Variants in SP100 observed in about 807,000 individuals in gnomAD.
SP100 encodes SP100 nuclear body protein, also known as nuclear autoantigen Sp-100.
In SP100, 84 loss-of-function variants were observed where a neutral mutation model predicts 130.0. The observed-to-expected ratio is 0.65, with a 90% confidence interval of 0.54 to 0.77. The LOEUF (loss-of-function observed/expected upper bound fraction) is 0.77, where lower values mean the gene tolerates loss of function less well. Ranked by LOEUF, SP100 falls within the 30% of genes least tolerant of loss-of-function variation. SP100 has a pLI of 0.00. For synonymous variants in SP100, 331 were observed against 351.7 expected (o/e 0.94, Z 0.66); for missense variants, 978 against 1,052.2 (o/e 0.93, Z 0.97).
intron 24 of SP100, chr2:230,516,130 G>A (rs1690905542): frequency 1.1e-6 from 1 of 946,710 alleles, no homozygotes; most frequent in Non-Finnish European, 1.3e-6. Context: ...TACCAGGTCA[G>A]TCTTCTTCCA....
At chr2:230,460,576 T>G (rs2064537590) in intron 8 of SP100, among the ~76,000 whole-genome samples, 1 of 150,592 alleles carries the variant, frequency 6.6e-6, no homozygotes, top group Admixed American at 6.6e-5. Flanking sequence ...GTGTCTGGGG[T>G]ATTGGTAATC....
At chr2:230,427,834 C>T (rs1323372853) in intron 2 of SP100, among the ~76,000 whole-genome samples, 2 of 152,122 alleles carry the variant, frequency 1.3e-5, no homozygotes, top group Non-Finnish European at 2.9e-5. Context: ...TTTACTTCTC[C>T]CCTCCCTCAC....
chr2:230,437,519 G>A (rs942733353), intron 2 of SP100, among the ~76,000 whole-genome samples: 11 of 151,986 alleles, frequency 7.2e-5, no homozygotes, highest in African/African-American at 2.2e-4. Context: ...CAAGGGTATT[G>A]AGAAATATGT....
intron 24 of SP100, among the ~76,000 whole-genome samples, chr2:230,528,799 C>T (rs554111955): frequency 2.0e-4 from 30 of 152,306 alleles, no homozygotes; most frequent in African/African-American, 7.0e-4. Flanking sequence ...ACTATAAATG[C>T]CTCTATGCAA....
intron 8 of SP100, among the ~76,000 whole-genome samples, chr2:230,457,219 G>A (rs1488819762): frequency 1.3e-5 from 2 of 152,180 alleles, no homozygotes; most frequent in Non-Finnish European, 2.9e-5. Flanking sequence ...AATCTGCAGG[G>A]CTCTACACCA....
chr2:230,518,454 C>T (rs985238009), intron 24 of SP100, among the ~76,000 whole-genome samples: 1 of 151,834 alleles, frequency 6.6e-6, no homozygotes, highest in Non-Finnish European at 1.5e-5. Context: ...TTGTCTATCA[C>T]ATGACAGTAT....
At chr2:230,422,047 G>A (rs1244857510) in intron 2 of SP100, among the ~76,000 whole-genome samples, 2 of 151,578 alleles carry the variant, frequency 1.3e-5, no homozygotes, top group African/African-American at 4.9e-5. Flanking sequence ...AATCTTATAT[G>A]TCTTCTTTTC....
At chr2:230,444,375 T>C (rs1559491149) in intron 4 of SP100, 29 bp downstream of exon 4, 4 of 1,583,310 alleles carry the variant, frequency 2.5e-6, no homozygotes, top group East Asian at 2.2e-5. Context: ...TACCTTTTTA[T>C]TTCCAGGGCC....
At chr2:230,533,499 G>C (rs1410244306) in intron 24 of SP100, among the ~76,000 whole-genome samples, 1 of 152,206 alleles carries the variant, frequency 6.6e-6, no homozygotes, top group Non-Finnish European at 1.5e-5. Context: ...TCCTTGTGCT[G>C]TTAAGTTACA....
chr2:230,482,183 T>A (rs1355565930), intron 17 of SP100, among the ~76,000 whole-genome samples: 1 of 152,246 alleles, frequency 6.6e-6, no homozygotes, highest in Non-Finnish European at 1.5e-5. Flanking sequence ...ATTTTTTTAA[T>A]CTTGTTTAAG....
chr2:230,443,956 G>A (rs552381610), intron 3 of SP100, among the ~76,000 whole-genome samples: 3 of 152,280 alleles, frequency 2.0e-5, no homozygotes, highest in African/African-American at 4.8e-5. Context: ...TGCATCTAAT[G>A]TAAATGAGGG....
chr2:230,540,046 G>A (rs999731495), intron 25 of SP100, among the ~76,000 whole-genome samples: 2 of 152,202 alleles, frequency 1.3e-5, no homozygotes, highest in Non-Finnish European at 2.9e-5. Context: ...CCTGCTCCCA[G>A]GGTGTCATCT....
chr2:230,506,139 G>T (rs1053137988), intron 21 of SP100, among the ~76,000 whole-genome samples, 164 bp from the exon 22 acceptor site: 2 of 152,074 alleles, frequency 1.3e-5, no homozygotes, highest in Non-Finnish European at 2.9e-5. Flanking sequence ...CTTCATCTCT[G>T]TTCCTTCAGG....
chr2:230,443,633 C>CT (rs1003372307), intron 3 of SP100, among the ~76,000 whole-genome samples: 166 of 151,978 alleles, frequency 1.1e-3, no homozygotes, highest in African/African-American at 3.6e-3. Flanking sequence ...TTTTTCTTTC[C>CT]TTTTTTTTGT....
chr2:230,467,843 G>C (rs2149984857), intron 13 of SP100, among the ~76,000 whole-genome samples: 1 of 152,252 alleles, frequency 6.6e-6, no homozygotes, highest in Non-Finnish European at 1.5e-5. Context: ...CTCATTCTCT[G>C]TTTTGTAAAG....
intron 24 of SP100, among the ~76,000 whole-genome samples, chr2:230,514,405 T>C (rs1575788870): frequency 6.6e-6 from 1 of 152,188 alleles, no homozygotes; most frequent in East Asian, 1.9e-4. Flanking sequence ...AGAAAGAAAA[T>C]TAAATCCAGG....
intron 2 of SP100, among the ~76,000 whole-genome samples, chr2:230,433,741 AC>A (rs896088319): frequency 6.6e-6 from 1 of 151,430 alleles, no homozygotes; most frequent in African/African-American, 2.4e-5. Context: ...TATTTTGCCT[AC>A]CTTTATTTTT....
At chr2:230,526,948 A>C (rs1691459342) in intron 24 of SP100, among the ~76,000 whole-genome samples, 1 of 152,226 alleles carries the variant, frequency 6.6e-6, no homozygotes, top group African/African-American at 2.4e-5. Flanking sequence ...CCTACGTTTG[A>C]TTAGTGTACC....
At chr2:230,477,038 T>G (rs1389544538) in intron 17 of SP100, among the ~76,000 whole-genome samples, 2 of 152,020 alleles carry the variant, frequency 1.3e-5, no homozygotes, top group African/African-American at 2.4e-5. Flanking sequence ...GCTAATTTTT[T>G]GTACTTTTAG....
Sources: gnomAD v4.1 joint callset for allele counts (sites outside exome capture counted in the v4.1 genomes callset) on GRCh38, gnomAD v4.1.1 for gene constraint, MANE v1.5 for transcripts, NCBI Gene and HGNC (gene_info 2026-07-23, HGNC 2026-07-21) for gene names.